Variants in PLCG2 observed in about 807,000 individuals in gnomAD.
PLCG2 encodes the protein phospholipase C gamma 2.
PLCG2 carries 69 observed loss-of-function variants against 175.6 expected under a neutral mutation model. The observed-to-expected ratio is 0.39, with a 90% confidence interval of 0.32 to 0.48. The LOEUF (loss-of-function observed/expected upper bound fraction) is 0.48. PLCG2 is among the 20% of genes least tolerant of loss of function. The probability of loss-of-function intolerance (pLI) is 0.91; values close to 1 mark genes in which losing one functional copy is unlikely to be tolerated. For missense variants in PLCG2, 1,798 were observed against 1,650.9 expected (o/e 1.09, Z -1.54); for synonymous variants, 827 against 624.0 (o/e 1.33, Z -4.85).
rs976068042 is a variant in PLCG2 at position 81,859,122 on chromosome 16, G to A, written c.438G>A (p.Leu146=). 8 of 1,586,442 alleles carry A rather than the reference G, an allele frequency of 5.0e-6. No individual in the cohort carries two copies. The African/African-American group carries it at 8.1e-5, about 16-fold the overall frequency. ...ASTPTIIESW[L]RKQIYSVDQT... is the part of the protein sequence containing the mutation. Reference sequence around the variant, plus strand: ...GTCTCATATTTCTTTCCAGTTGGCTGAGAAAGCAGATATATTCTGTGGATC... The same window carrying A: ...GTCTCATATTTCTTTCCAGTTGGCTAAGAAAGCAGATATATTCTGTGGATC... The change falls in exon 5 of 33, where the codon CTG becomes CTA. Residue 146 remains leucine (L), a synonymous_variant. Coordinates refer to ENST00000564138, the MANE Select transcript of PLCG2 (RefSeq NM_002661.5).
intron 1 of PLCG2, among the ~76,000 whole-genome samples, chr16:81,779,749 C>G (rs889682428): frequency 5.3e-5 from 8 of 152,002 alleles, no homozygotes; most frequent in Non-Finnish European, 1.2e-4. Flanking sequence ...CAAAACTCCT[C>G]TTTTCGAGCG....
At chr16:81,925,518 A>G (rs78287508) in intron 22 of PLCG2, among the ~76,000 whole-genome samples, 3,849 of 152,288 alleles carry the variant, frequency 0.025, 140 homozygotes, top group African/African-American at 0.086. Flanking sequence ...TGGTAGCATC[A>G]GTCCTCACTC....
chr16:81,791,659 G>T (rs934399406), intron 2 of PLCG2, among the ~76,000 whole-genome samples: 6 of 152,118 alleles, frequency 3.9e-5, no homozygotes, highest in African/African-American at 1.4e-4. Context: ...TTGCCTCCTG[G>T]GTTCAAGCTA....
In PLCG2 at chr16:81,905,481, C is replaced by T. The variant is rs779440937; in HGVS notation, c.1441C>T (p.Leu481=). 7.4e-6 allele frequency: 12 copies of T among 1,613,904 alleles called. No individual in the cohort carries two copies. The highest frequency in any genetic ancestry group is 1.0e-5 in the Non-Finnish European group (12 of 1,179,870). Residue 481 remains leucine, a synonymous_variant, in exon 15 of 33, where the codon CTG becomes TTG. Transcript: ENST00000564138. ...KKDEHKQQGE[L]YMWDSIDQKW... is the part of the protein sequence containing the mutation. The stretch of plus-strand genomic sequence containing the variant: ...GGACGAACACAAGCAACAGGGGGAG[C>T]TGTACATGTGGGATTCCATTGACCA...
intron 2 of PLCG2, among the ~76,000 whole-genome samples, chr16:81,808,874 G>T (rs569707269): frequency 2.4e-4 from 37 of 152,290 alleles, no homozygotes; most frequent in Admixed American, 4.6e-4. Context: ...GGGCTTATCA[G>T]AGCATGCTGG....
chr16:81,897,845 C>T (rs934716287), intron 13 of PLCG2: 8 of 455,608 alleles, frequency 1.8e-5, no homozygotes, highest in South Asian at 7.7e-5. Context: ...GTGCCCAACC[C>T]GATTGGTTAT....
intron 7 of PLCG2, among the ~76,000 whole-genome samples, chr16:81,875,291 T>A (rs1318146339): frequency 1.3e-5 from 2 of 152,050 alleles, no homozygotes; most frequent in Non-Finnish European, 2.9e-5. Context: ...ATACATTTAA[T>A]TCCCCCCTAG....
chr16:81,919,813 C>T (rs1191416737), intron 20 of PLCG2, 149 bp downstream of exon 20: 1 of 645,434 alleles, frequency 1.5e-6, no homozygotes, highest in South Asian at 2.0e-5. Flanking sequence ...CAACAAAGAC[C>T]CTGCCGTTGT....
chr16:81,799,416 TTTAG>T (rs1293035734), intron 2 of PLCG2, among the ~76,000 whole-genome samples: 3 of 152,204 alleles, frequency 2.0e-5, no homozygotes, highest in Non-Finnish European at 4.4e-5. Context: ...ACTAATTTAT[TTTAG>T]TTAATGAATT....
rs1288569594 is a variant in PLCG2 at position 81,928,698 on chromosome 16, C to G, written c.2581+74C>G. 3.1e-6 allele frequency: 3 copies of G among 980,698 alleles called. No homozygotes were observed. In the African/African-American group the frequency reaches 4.8e-5, roughly 16 times the overall value. The allele number at this position is 980,698 out of a possible 1,614,324, so 60.7% of individuals were successfully genotyped here. A position where few individuals can be genotyped will look rare whatever the true frequency, so the allele number is the denominator to read the frequency against. ...GGGCTGACCTCAGCCCCGCCCTACA[C>G]AGGGAGGTGGCTGACACAGGGTCCT... On this transcript the variant is annotated intron_variant, in intron 24 of 32. Coordinates refer to ENST00000564138, the MANE Select transcript of PLCG2 (RefSeq NM_002661.5).
At chr16:81,923,215 A>C (rs1910127378) in intron 21 of PLCG2, among the ~76,000 whole-genome samples, 1 of 148,826 alleles carries the variant, frequency 6.7e-6, no homozygotes, top group Non-Finnish European at 1.5e-5. Flanking sequence ...GCTAAACCCT[A>C]GCCCCAAACC....
At chr16:81,855,971 T>C (rs1247888515) in intron 3 of PLCG2, among the ~76,000 whole-genome samples, 10 of 152,198 alleles carry the variant, frequency 6.6e-5, no homozygotes, top group Non-Finnish European at 1.0e-4. Context: ...ACCTGCAGGC[T>C]GAGCCCTGAC....
intron 2 of PLCG2, among the ~76,000 whole-genome samples, chr16:81,821,844 T>C (rs1904812909): frequency 6.6e-6 from 1 of 151,150 alleles, no homozygotes; most frequent in Admixed American, 6.6e-5. Flanking sequence ...CCCTCCCCTC[T>C]CAAATAATCT....
rs186981614 is a variant in PLCG2, at chr16:81,757,161, A to G, written c.-48+1195A>G. 1.8e-4 allele frequency among the ~76,000 whole-genome samples: 28 copies of G among 152,276 alleles called. No individual in the cohort carries two copies. In the East Asian group the frequency reaches 5.4e-3, roughly 29 times the overall value. On this transcript the variant is annotated intron_variant, in intron 2 of 5. Transcript: ENST00000565054. ...AAAAGGGAGCTCTAGGAGGGACCAC[A>G]TTGGAAATTCCATCCACCCACTCAT...
At chr16:81,778,025 A>C (rs1458670240), upstream of PLCG2, among the ~76,000 whole-genome samples, 1 of 60,616 alleles carries the variant, frequency 1.6e-5, no homozygotes, top group African/African-American at 7.2e-5. Context: ...TCAAAAAAAA[A>C]AAAAAACAAA....
chr16:81,862,103 G>A (rs1172419297), intron 5 of PLCG2, among the ~76,000 whole-genome samples: 1 of 152,222 alleles, frequency 6.6e-6, no homozygotes, highest in Non-Finnish European at 1.5e-5. Flanking sequence ...CAATGAAAGA[G>A]CAACTGACTT....
chr16:81,797,934 A>G (rs1204592300), intron 2 of PLCG2, among the ~76,000 whole-genome samples: 1 of 151,522 alleles, frequency 6.6e-6, no homozygotes, highest in Non-Finnish European at 1.5e-5. Context: ...GGGTTCAAGC[A>G]ATTATTCTGC....
rs374780126 is a variant in PLCG2, at chr16:81,961,529, A to G, written c.*3531A>G. 1.8e-5 allele frequency: 4 copies of G among 219,682 alleles called. No homozygotes were observed. Among genetic ancestry groups the G allele is most frequent in the East Asian group, 6.8e-5 (1 of 14,706 alleles). The allele number at this position is 219,682 out of a possible 1,614,324, so 13.6% of individuals were successfully genotyped here. A position where few individuals can be genotyped will look rare whatever the true frequency, so the allele number is the denominator to read the frequency against. ...ATACTTTTGGTACAGAGATAGAATT[A>G]AATAACATAAAAATCAAAAATTTAT... On this transcript the variant is annotated 3_prime_UTR_variant, in exon 33 of 33. Coordinates refer to ENST00000564138, the MANE Select transcript of PLCG2 (RefSeq NM_002661.5).
At chr16:81,901,193 G>A (rs1474008800) in intron 14 of PLCG2, among the ~76,000 whole-genome samples, 1 of 152,118 alleles carries the variant, frequency 6.6e-6, no homozygotes, top group Non-Finnish European at 1.5e-5. Flanking sequence ...AGCGACCTGG[G>A]TGCTGTTCCT....
Sources: allele counts gnomAD v4.1 joint callset (sites outside exome capture counted in the v4.1 genomes callset), GRCh38; gene constraint gnomAD v4.1.1; transcripts MANE v1.5; gene names NCBI Gene and HGNC (gene_info 2026-07-23, HGNC 2026-07-21).